Variants in PDGFC observed in about 807,000 individuals in gnomAD.
PDGFC encodes the protein platelet-derived growth factor C.
In PDGFC, 12 loss-of-function variants were observed where a neutral mutation model predicts 35.5. That is an observed-to-expected ratio of 0.34 (90% CI 0.22 to 0.55). The LOEUF (loss-of-function observed/expected upper bound fraction) is 0.55. Ranked by LOEUF, PDGFC falls within the 20% of genes least tolerant of loss-of-function variation. The pLI is 0.91. For synonymous variants in PDGFC, 159 were observed against 148.8 expected (o/e 1.07, Z -0.50); for missense variants, 322 against 412.4 (o/e 0.78, Z 1.90).
chr4:156,837,473 T>C (rs538795347), intron 2 of PDGFC, among the ~76,000 whole-genome samples: 2 of 152,230 alleles, frequency 1.3e-5, no homozygotes, highest in East Asian at 3.9e-4. Flanking sequence ...GCTAGCCAGA[T>C]AGTAACATGA....
At chr4:156,838,819 T>C (rs1455245665) in intron 2 of PDGFC, among the ~76,000 whole-genome samples, 2 of 152,124 alleles carry the variant, frequency 1.3e-5, no homozygotes, top group Non-Finnish European at 2.9e-5. Context: ...AGGTGGAAGG[T>C]AATTGAATCA....
chr4:156,792,324 T>C lies in PDGFC; in HGVS notation c.495+18513A>G, dbSNP rs1012494926. ...GGAAAAGACAACTGTCAATATAATT[T>C]ATTCATAATATGAATTAAACAAGTA... On this transcript the variant is annotated intron_variant, in intron 3 of 5. Coordinates refer to ENST00000502773, the MANE Select transcript of PDGFC (RefSeq NM_016205.3). 3.3e-5 allele frequency among the ~76,000 whole-genome samples: 5 copies of C among 152,196 alleles called. No individual in the cohort carries two copies. In the South Asian group the frequency reaches 1.0e-3, roughly 31 times the overall value.
At chr4:156,911,233 AC>A (rs1440095148) in intron 1 of PDGFC, among the ~76,000 whole-genome samples, 2 of 152,154 alleles carry the variant, frequency 1.3e-5, no homozygotes, top group African/African-American at 4.8e-5. Context: ...TAAATGTATT[AC>A]ATCTCACTTA....
chr4:156,799,363 T>TAA (rs1731534551), intron 3 of PDGFC, among the ~76,000 whole-genome samples: 1 of 152,152 alleles, frequency 6.6e-6, no homozygotes, highest in Non-Finnish European at 1.5e-5. Flanking sequence ...TCTGAGGCCT[T>TAA]TGGTGGCCTA....
intron 1 of PDGFC, among the ~76,000 whole-genome samples, chr4:156,904,462 C>T (rs532300195): frequency 1.6e-4 from 25 of 152,128 alleles, no homozygotes; most frequent in African/African-American, 5.3e-4. Context: ...TTTCTCTTGT[C>T]CATAGAAATT....
intron 1 of PDGFC, among the ~76,000 whole-genome samples, chr4:156,918,551 T>C (rs1473485809): frequency 6.6e-6 from 1 of 152,198 alleles, no homozygotes; most frequent in East Asian, 1.9e-4. Flanking sequence ...CATTACTGCC[T>C]GAGCTCCGCC....
At chr4:156,812,809 T>C (rs76740543) in intron 2 of PDGFC, among the ~76,000 whole-genome samples, 2,643 of 152,150 alleles carry the variant, frequency 0.017, 134 homozygotes, top group South Asian at 0.17. Context: ...ACCTAAAACA[T>C]TGTTTGCACA....
chr4:156,896,643 TA>T (rs1730639417), intron 1 of PDGFC, among the ~76,000 whole-genome samples: 1 of 152,194 alleles, frequency 6.6e-6, no homozygotes, highest in African/African-American at 2.4e-5. Context: ...AGAAAAGTCA[TA>T]CATAACACAT....
intron 3 of PDGFC, among the ~76,000 whole-genome samples, chr4:156,803,126 G>A (rs1731661681): frequency 6.6e-6 from 1 of 152,100 alleles, no homozygotes. Context: ...GTCCACATTG[G>A]AGCAGGCCAG....
chr4:156,952,523 G>A (rs977975154), intron 1 of PDGFC, among the ~76,000 whole-genome samples: 5 of 151,676 alleles, frequency 3.3e-5, no homozygotes, highest in African/African-American at 1.2e-4. Context: ...GCTTTAACCT[G>A]GTATCTACTG....
intron 1 of PDGFC, among the ~76,000 whole-genome samples, chr4:156,966,084 G>A (rs1392598091): frequency 6.6e-6 from 1 of 152,070 alleles, no homozygotes; most frequent in Non-Finnish European, 1.5e-5. Flanking sequence ...AATCAGTATG[G>A]AACTAACACT....
intron 1 of PDGFC, among the ~76,000 whole-genome samples, chr4:156,908,873 T>A (rs982876120): frequency 6.6e-6 from 1 of 152,076 alleles, no homozygotes; most frequent in Non-Finnish European, 1.5e-5. Flanking sequence ...CAATGTGGCA[T>A]ATGTATACAA....
intron 3 of PDGFC, among the ~76,000 whole-genome samples, chr4:156,786,579 A>T (rs1731134755): frequency 6.6e-6 from 1 of 152,126 alleles, no homozygotes; most frequent in African/African-American, 2.4e-5. Context: ...CAAAGGTTGG[A>T]GATAATAGGA....
chr4:156,822,431 A>G (rs1030914905), intron 2 of PDGFC, among the ~76,000 whole-genome samples: 18 of 152,054 alleles, frequency 1.2e-4, no homozygotes, highest in Non-Finnish European at 2.5e-4. Flanking sequence ...GAGGAAGCAC[A>G]TACAATATTA....
intron 3 of PDGFC, among the ~76,000 whole-genome samples, chr4:156,799,624 T>A (rs1347094614): frequency 6.6e-6 from 1 of 152,190 alleles, no homozygotes; most frequent in African/African-American, 2.4e-5. Flanking sequence ...AGCTAAATTT[T>A]AGCCTTACAA....
intron 1 of PDGFC, among the ~76,000 whole-genome samples, chr4:156,869,916 A>G (rs1291729338): frequency 6.6e-6 from 1 of 152,084 alleles, no homozygotes; most frequent in Non-Finnish European, 1.5e-5. Flanking sequence ...AGTCTTTTGT[A>G]TCTAATTTAA....
At chr4:156,941,191 C>T (rs979372312) in intron 1 of PDGFC, among the ~76,000 whole-genome samples, 1 of 152,044 alleles carries the variant, frequency 6.6e-6, no homozygotes, top group Admixed American at 6.6e-5. Flanking sequence ...GATCACTGAG[C>T]TGAAATCTGA....
At chr4:156,794,311 G>A (rs2110891747) in intron 3 of PDGFC, among the ~76,000 whole-genome samples, 1 of 152,190 alleles carries the variant, frequency 6.6e-6, no homozygotes, top group African/African-American at 2.4e-5. Context: ...TAGAATGTGT[G>A]ATTTTAACTA....
chr4:156,826,498 T>C (rs771728813), intron 2 of PDGFC, among the ~76,000 whole-genome samples: 4 of 151,892 alleles, frequency 2.6e-5, no homozygotes, highest in African/African-American at 7.3e-5. Context: ...CACCATGCCA[T>C]TGTAATTTTT....
Sources: allele counts gnomAD v4.1 joint callset (sites outside exome capture counted in the v4.1 genomes callset), GRCh38; gene constraint gnomAD v4.1.1; transcripts MANE v1.5; gene names NCBI Gene and HGNC (gene_info 2026-07-23, HGNC 2026-07-21).